The following MALRD1 variants were observed in gnomAD, a reference collection of about 807,000 sequenced individuals.
MALRD1 encodes the protein MAM and LDL receptor class A domain containing 1.
In MALRD1, 247 loss-of-function variants were observed where a neutral mutation model predicts 242.1. That is an observed-to-expected ratio of 1.02 (90% confidence interval 0.92 to 1.13). The LOEUF (loss-of-function observed/expected upper bound fraction) is 1.13, where lower values mean the gene tolerates loss of function less well. MALRD1 is among the 50% of genes most tolerant of loss of function. MALRD1 has a pLI of 0.00. For missense variants in MALRD1, 2,989 were observed against 2,533.1 expected (o/e 1.18, Z -3.86); for synonymous variants, 995 against 866.6 (o/e 1.15, Z -2.60).
intron 2 of MALRD1, among the ~76,000 whole-genome samples, chr10:19,086,605 G>A (rs1442194111): frequency 1.3e-5 from 2 of 151,976 alleles, no homozygotes; most frequent in South Asian, 2.1e-4. Context: ...GGAAAAGCTG[G>A]GACTATCTGA....
chr10:19,225,843 C>A (rs1252757413), intron 18 of MALRD1, among the ~76,000 whole-genome samples: 1 of 152,172 alleles, frequency 6.6e-6, no homozygotes, highest in Non-Finnish European at 1.5e-5. Context: ...TCCTATATTT[C>A]TATCCTCTGG....
At chr10:19,079,024 T>A (rs1327177036) in intron 2 of MALRD1, among the ~76,000 whole-genome samples, 3 of 151,520 alleles carry the variant, frequency 2.0e-5, no homozygotes, top group African/African-American at 7.3e-5. Context: ...CTTCTCTAAT[T>A]TTCCTCCTCT....
chr10:19,331,234 A>G (rs1288504641), intron 23 of MALRD1, 135 bp from the exon 24 acceptor site: 1 of 775,738 alleles, frequency 1.3e-6, no homozygotes, highest in African/African-American at 1.8e-5. Context: ...ACATAGGGAC[A>G]TAAAAAACAA....
intron 14 of MALRD1, among the ~76,000 whole-genome samples, chr10:19,180,493 G>A (rs1342771845): frequency 6.6e-6 from 1 of 152,152 alleles, no homozygotes; most frequent in Non-Finnish European, 1.5e-5. Flanking sequence ...TCAGTAAATG[G>A]TGCCGGAAAA....
intron 36 of MALRD1, among the ~76,000 whole-genome samples, chr10:19,632,174 G>T (rs7906180): frequency 0.095 from 14,429 of 152,170 alleles, 1,762 homozygotes; most frequent in African/African-American, 0.28. Context: ...GTAGACCTTG[G>T]TTAACTAGCT....
intron 20 of MALRD1, among the ~76,000 whole-genome samples, chr10:19,282,780 C>G (rs543839892): frequency 4.9e-4 from 74 of 152,212 alleles, no homozygotes; most frequent in African/African-American, 1.6e-3. Flanking sequence ...CCTCATGAAA[C>G]CAGATCATTA....
intron 28 of MALRD1, among the ~76,000 whole-genome samples, chr10:19,407,517 A>G (rs1421540762): frequency 2.6e-5 from 4 of 152,048 alleles, no homozygotes; most frequent in African/African-American, 2.4e-5. Flanking sequence ...AAAATAAAGA[A>G]CTTCTAATTG....
chr10:19,675,764 G>C (rs990635857), intron 36 of MALRD1, among the ~76,000 whole-genome samples: 24 of 152,202 alleles, frequency 1.6e-4, no homozygotes, highest in African/African-American at 5.8e-4. Flanking sequence ...GGACAAGCTT[G>C]TGCTAATTGC....
intron 14 of MALRD1, among the ~76,000 whole-genome samples, chr10:19,175,677 C>T (rs1216757156): frequency 6.6e-6 from 1 of 151,654 alleles, no homozygotes; most frequent in Non-Finnish European, 1.5e-5. Context: ...TTCAGAACTT[C>T]AAATGAGCAT....
chr10:19,391,821 G>A (rs1237432288), intron 28 of MALRD1, among the ~76,000 whole-genome samples: 1 of 152,194 alleles, frequency 6.6e-6, no homozygotes, highest in African/African-American at 2.4e-5. Flanking sequence ...GCAAGGCACT[G>A]AAGTTTTAGG....
At chr10:19,513,632 G>A (rs898696735) in intron 31 of MALRD1, among the ~76,000 whole-genome samples, 2 of 151,858 alleles carry the variant, frequency 1.3e-5, no homozygotes, top group East Asian at 1.9e-4. Flanking sequence ...CCAGCTACTC[G>A]GGAGGCTGAG....
intron 28 of MALRD1, among the ~76,000 whole-genome samples, chr10:19,422,382 T>C (rs1460273247): frequency 6.6e-6 from 1 of 152,094 alleles, no homozygotes; most frequent in South Asian, 2.1e-4. Context: ...ATGTCACATA[T>C]AGAGAGTAAA....
intron 18 of MALRD1, among the ~76,000 whole-genome samples, chr10:19,243,221 C>A (rs1838877705): frequency 6.6e-6 from 1 of 151,398 alleles, no homozygotes; most frequent in Admixed American, 6.6e-5. Flanking sequence ...GCCACACACA[C>A]AATTTATATT....
chr10:19,383,416 T>C (rs1845921947), intron 26 of MALRD1, among the ~76,000 whole-genome samples: 1 of 152,186 alleles, frequency 6.6e-6, no homozygotes, highest in African/African-American at 2.4e-5. Context: ...AATTCTCTGG[T>C]AAATACATAC....
chr10:19,129,934 TG>T (rs1350043069), intron 8 of MALRD1, among the ~76,000 whole-genome samples: 26 of 146,228 alleles, frequency 1.8e-4, no homozygotes, highest in African/African-American at 5.6e-4. Flanking sequence ...GATATGTGGA[TG>T]TGATATATAT....
At chr10:19,082,924 C>A (rs966612210) in intron 2 of MALRD1, among the ~76,000 whole-genome samples, 1 of 151,946 alleles carries the variant, frequency 6.6e-6, no homozygotes, top group African/African-American at 2.4e-5. Flanking sequence ...GCTGGGAAGT[C>A]CAAGATCAAG....
intron 28 of MALRD1, among the ~76,000 whole-genome samples, chr10:19,431,251 T>C (rs1834116115): frequency 6.6e-6 from 1 of 152,244 alleles, no homozygotes; most frequent in African/African-American, 2.4e-5. Flanking sequence ...GTTATAGACT[T>C]AATTCTTCAT....
intron 21 of MALRD1, among the ~76,000 whole-genome samples, chr10:19,304,961 A>G (rs1384143278): frequency 6.6e-6 from 1 of 151,686 alleles, no homozygotes; most frequent in Non-Finnish European, 1.5e-5. Context: ...CCCTTCCCTC[A>G]TCAACCAAAA....
At chr10:19,081,994 A>G (rs1289970606) in intron 2 of MALRD1, among the ~76,000 whole-genome samples, 2 of 151,842 alleles carry the variant, frequency 1.3e-5, no homozygotes, top group East Asian at 3.9e-4. Flanking sequence ...ATCTATTTGC[A>G]TATTATATAA....
Sources: gnomAD v4.1 joint callset for allele counts (sites outside exome capture counted in the v4.1 genomes callset) on GRCh38, gnomAD v4.1.1 for gene constraint, MANE v1.5 for transcripts, NCBI Gene and HGNC (gene_info 2026-07-23, HGNC 2026-07-21) for gene names.